The following COL24A1 variants were observed in gnomAD, a reference collection of about 807,000 sequenced individuals.
The protein encoded by COL24A1 is collagen alpha-1(XXIV) chain.
In COL24A1, 224 loss-of-function variants were observed where a neutral mutation model predicts 253.9. The observed-to-expected ratio is 0.88, with a 90% CI of 0.79 to 0.99. The LOEUF is 0.99. Among genes scored for constraint, COL24A1 ranks in the 50% least tolerant of loss-of-function variants. COL24A1 has a pLI of 0.00. For synonymous variants in COL24A1, 685 were observed against 673.7 expected (o/e 1.02, Z -0.26); for missense variants, 2,131 against 2,068.5 (o/e 1.03, Z -0.59).
chr1:85,999,024 C>T (rs780528166), intron 19 of COL24A1, among the ~76,000 whole-genome samples: 7 of 152,136 alleles, frequency 4.6e-5, no homozygotes, highest in South Asian at 4.1e-4. Context: ...ATAAAATCTC[C>T]GATTCTGACA....
At chr1:86,027,720 C>G (rs962090108) in intron 14 of COL24A1, among the ~76,000 whole-genome samples, 1 of 152,188 alleles carries the variant, frequency 6.6e-6, no homozygotes, top group African/African-American at 2.4e-5. Context: ...CACACAGAGT[C>G]CCCACTAGGG....
chr1:85,937,108 T>G (rs1558724204), intron 24 of COL24A1, among the ~76,000 whole-genome samples: 1 of 147,538 alleles, frequency 6.8e-6, no homozygotes, highest in Non-Finnish European at 1.5e-5. Context: ...GGGGATCCCT[T>G]ACGACCAGCT....
intron 28 of COL24A1, among the ~76,000 whole-genome samples, chr1:85,900,594 G>A (rs772493678): frequency 6.6e-5 from 10 of 151,976 alleles, no homozygotes; most frequent in South Asian, 4.2e-4. Flanking sequence ...TGATATGATC[G>A]CGTCACTGCA....
intron 41 of COL24A1, 136 bp downstream of exon 41, chr1:85,841,932 C>T: frequency 1.6e-6 from 1 of 637,062 alleles, no homozygotes; most frequent in Non-Finnish European, 2.7e-6. Flanking sequence ...TTATTTTTTT[C>T]TTCCAGAATT....
intron 19 of COL24A1, among the ~76,000 whole-genome samples, chr1:85,997,945 GTA>G: frequency 6.6e-6 from 1 of 152,128 alleles, no homozygotes; most frequent in Non-Finnish European, 1.5e-5. Flanking sequence ...TCCTGTGAAT[GTA>G]GCCAACAGAG....
chr1:85,994,060 T>C (rs926175954), intron 19 of COL24A1, among the ~76,000 whole-genome samples: 3 of 152,032 alleles, frequency 2.0e-5, no homozygotes, highest in African/African-American at 7.2e-5. Context: ...AAAATTTCAA[T>C]TATTGATTTA....
chr1:85,991,109 C>A (rs1345429780), intron 19 of COL24A1, among the ~76,000 whole-genome samples: 2 of 152,146 alleles, frequency 1.3e-5, no homozygotes, highest in Non-Finnish European at 2.9e-5. Context: ...GATAAAAGAA[C>A]AGAATACCAC....
chr1:85,938,960 T>C (rs1405559495), intron 24 of COL24A1, among the ~76,000 whole-genome samples: 1 of 152,156 alleles, frequency 6.6e-6, no homozygotes, highest in Non-Finnish European at 1.5e-5. Flanking sequence ...CCCAATCCTG[T>C]TTCTTCCCTG....
rs1274359712 is a variant in COL24A1, at chr1:85,914,368, C to T, written c.2563-2935G>A. Among the ~76,000 whole-genome samples the T allele has an allele frequency of 2.9e-5, 4 of 137,256 alleles. No homozygotes were observed. The East Asian group carries it at 8.7e-4, about 30-fold the overall frequency. The allele number at this position is 137,256 out of a possible 152,430, so 90.0% of individuals were successfully genotyped here. Reference sequence around the variant, plus strand: ...TGCAGCAAATATCTTTGGTTCTTTTCTTCTCATTTCTTTTTTTCTTTTCTT... The same window carrying T: ...TGCAGCAAATATCTTTGGTTCTTTTTTTCTCATTTCTTTTTTTCTTTTCTT... On this transcript the variant is annotated intron_variant, in intron 24 of 59. Transcript: ENST00000370571.
chr1:86,114,386 T>C (rs896948802), intron 4 of COL24A1, among the ~76,000 whole-genome samples: 2 of 152,092 alleles, frequency 1.3e-5, no homozygotes, highest in African/African-American at 4.8e-5. Flanking sequence ...ACCTTAGCAG[T>C]GGATAGGGAA....
intron 12 of COL24A1, among the ~76,000 whole-genome samples, chr1:86,043,679 C>T (rs375205657): frequency 6.6e-6 from 1 of 152,182 alleles, no homozygotes; most frequent in African/African-American, 2.4e-5. Flanking sequence ...AGGCACACAC[C>T]ACCACGCCCA....
intron 2 of COL24A1, among the ~76,000 whole-genome samples, chr1:86,143,773 T>G (rs2102404034): frequency 6.6e-6 from 1 of 152,228 alleles, no homozygotes; most frequent in Non-Finnish European, 1.5e-5. Flanking sequence ...AATTTGGCCT[T>G]TAAACTTTGT....
Position 85,766,961 on chromosome 1 carries a change from G to A in COL24A1, c.4375-5395C>T, listed in dbSNP as rs142334875. On this transcript the variant is annotated intron_variant, in intron 53 of 59. Coordinates refer to ENST00000370571, the MANE Select transcript of COL24A1 (RefSeq NM_152890.7). ...CTACTAAAAATACAAAAAATTAGCC[G>A]GGTGTGGTGATGGGCGCCTGTAGTC... is the stretch of plus-strand genomic sequence containing the variant. 8.1e-3 allele frequency among the ~76,000 whole-genome samples: 1,227 copies of A among 152,096 alleles called. 15 individuals are homozygous for A. Among genetic ancestry groups the A allele is most frequent in the African/African-American group, 0.027 (1,125 of 41,510 alleles).
intron 37 of COL24A1, among the ~76,000 whole-genome samples, chr1:85,865,435 T>C (rs1326462476): frequency 6.6e-6 from 1 of 152,116 alleles, no homozygotes; most frequent in African/African-American, 2.4e-5. Flanking sequence ...GTGGTGTTAC[T>C]AAAAAAAGGC....
chr1:86,113,146 A>C (rs1403454115), intron 4 of COL24A1, among the ~76,000 whole-genome samples: 1 of 152,212 alleles, frequency 6.6e-6, no homozygotes, highest in Non-Finnish European at 1.5e-5. Flanking sequence ...TGAATTCAAA[A>C]ATTGATTCTA....
chr1:86,061,232 C>T (rs1419950364), intron 8 of COL24A1, among the ~76,000 whole-genome samples: 1 of 152,066 alleles, frequency 6.6e-6, no homozygotes, highest in Non-Finnish European at 1.5e-5. Context: ...ATGAGATTTG[C>T]TCTAGTATAT....
chr1:86,053,329 C>G (rs1700449295), intron 10 of COL24A1, among the ~76,000 whole-genome samples: 1 of 151,914 alleles, frequency 6.6e-6, no homozygotes, highest in East Asian at 1.9e-4. Flanking sequence ...GTCAGAACTC[C>G]AACATAGCCT....
intron 47 of COL24A1, among the ~76,000 whole-genome samples, chr1:85,802,115 ATCTTGTCTTG>A (rs1671492918): frequency 6.6e-6 from 1 of 152,188 alleles, no homozygotes; most frequent in Non-Finnish European, 1.5e-5. Context: ...AGTCTTCTGC[ATCTTGTCTTG>A]TCCCCTTCCA....
At chr1:85,797,279 A>G (rs1570655155) in intron 47 of COL24A1, among the ~76,000 whole-genome samples, 1 of 151,782 alleles carries the variant, frequency 6.6e-6, no homozygotes, top group Admixed American at 6.6e-5. Flanking sequence ...TGGGCCTGAC[A>G]TGGTGCTAGG....
Sources: gnomAD v4.1 joint callset for allele counts (sites outside exome capture counted in the v4.1 genomes callset) on GRCh38, gnomAD v4.1.1 for gene constraint, MANE v1.5 for transcripts, NCBI Gene and HGNC (gene_info 2026-07-23, HGNC 2026-07-21) for gene names.